Variants in TUSC3 observed in about 807,000 individuals in gnomAD.
TUSC3 encodes dolichyl-diphosphooligosaccharide--protein glycosyltransferase subunit TUSC3.
A neutral mutation model predicts 44.8 loss-of-function variants in TUSC3; 45 were observed. The ratio of observed to expected loss-of-function variants is 1.00; its 90% CI spans 0.79 to 1.29. The LOEUF (loss-of-function observed/expected upper bound fraction) is 1.29, where lower values mean the gene tolerates loss of function less well. Among genes scored for constraint, TUSC3 ranks in the 50% most tolerant of loss-of-function variants. The pLI, the probability that TUSC3 is intolerant of heterozygous loss-of-function variation, is 0.00. For missense variants in TUSC3, 519 were observed against 437.9 expected, an observed-to-expected ratio of 1.19 and a Z score of -1.65; for synonymous variants, 212 against 152.9, an observed-to-expected ratio of 1.39 and a Z score of -2.85.
intron 1 of TUSC3, among the ~76,000 whole-genome samples, chr8:15,560,429 C>A (rs1802415922): frequency 6.8e-6 from 1 of 147,544 alleles, no homozygotes; most frequent in African/African-American, 2.5e-5. Flanking sequence ...CTCTGGCTGC[C>A]CTTAACATTT....
intron 1 of TUSC3, among the ~76,000 whole-genome samples, chr8:15,450,219 TTTTTC>T (rs145344562): frequency 0.017 from 2,537 of 152,322 alleles, 41 homozygotes; most frequent in South Asian, 0.069. Flanking sequence ...CTGTTTATCA[TTTTTC>T]TTTTCTTTTT....
chr8:15,753,083 A>G (rs1811774858), intron 9 of TUSC3, among the ~76,000 whole-genome samples: 1 of 152,216 alleles, frequency 6.6e-6, no homozygotes, highest in African/African-American at 2.4e-5. Flanking sequence ...AAGCTGCTAT[A>G]GTTTACATAG....
At chr8:15,847,245 G>A in the TUSC3 span, among the ~76,000 whole-genome samples, 2 of 152,002 alleles carry the variant, frequency 1.3e-5, no homozygotes, top group Non-Finnish European at 2.9e-5. Context: ...GAAAGAACAG[G>A]GAAGAGAATG....
At chr8:15,662,492 T>C (rs1807467926) in intron 5 of TUSC3, among the ~76,000 whole-genome samples, 196 bp downstream of exon 5, 1 of 37,954 alleles carries the variant, frequency 2.6e-5, no homozygotes. Flanking sequence ...AACTTTTCAC[T>C]GCATGTACTG....
Position 15,764,150 on chromosome 8 carries a change from G to T in TUSC3, c.*47-53G>T. ...TTTAGAATGGAATAACAAACATATT[G>T]TATTTTCCTTATGTTCTATGTTCAG... On this transcript the variant is annotated intron_variant, in intron 10 of 10. Coordinates refer to ENST00000503731, the MANE Select transcript of TUSC3 (RefSeq NM_006765.4). 4 of 1,469,294 alleles carry T rather than the reference G, an allele frequency of 2.7e-6. No individual in the cohort carries two copies. In the South Asian group the frequency reaches 4.6e-5, roughly 17 times the overall value. The allele number at this position is 1,469,294 out of a possible 1,614,324, so 91.0% of individuals were successfully genotyped here. A position where few individuals can be genotyped will look rare whatever the true frequency, so the allele number is the denominator to read the frequency against.
At chr8:15,577,365 TTTTGGACATGAAGTCCTTGC>T (rs1169684908) in intron 1 of TUSC3, among the ~76,000 whole-genome samples, 3 of 151,868 alleles carry the variant, frequency 2.0e-5, no homozygotes, top group African/African-American at 7.2e-5. Context: ...GCTTTTGGTG[TTTTGGACATGAAGTCCTTGC>T]CCATGCCTAT....
At chr8:15,616,170 A>T (rs902778252) in intron 1 of TUSC3, among the ~76,000 whole-genome samples, 1 of 146,508 alleles carries the variant, frequency 6.8e-6, no homozygotes, top group Admixed American at 6.8e-5. Flanking sequence ...AAAAGTAGAG[A>T]TCTTGATTTT....
chr8:15,523,706 G>GTA (rs1554509643), intron 2 of TUSC3, among the ~76,000 whole-genome samples: 3 of 112,850 alleles, frequency 2.7e-5, no homozygotes, highest in African/African-American at 7.9e-5. Flanking sequence ...GTGTGTGTGT[G>GTA]TGTATATATA....
intron 1 of TUSC3, among the ~76,000 whole-genome samples, chr8:15,461,197 C>A (rs753956823): frequency 2.0e-4 from 31 of 152,110 alleles, no homozygotes; most frequent in Non-Finnish European, 4.1e-4. Flanking sequence ...TCTGTGATTT[C>A]TTTCAGCATT....
At chr8:15,730,520 T>C in intron 6 of TUSC3, 146 bp from the exon 7 acceptor site, 1 of 786,894 alleles carries the variant, frequency 1.3e-6, no homozygotes. Flanking sequence ...TAATAATCAT[T>C]TAAAATAATT....
chr8:15,504,619 ATATT>A (rs1554507903), intron 2 of TUSC3, among the ~76,000 whole-genome samples: 22 of 16,376 alleles, frequency 1.3e-3, no homozygotes, highest in Non-Finnish European at 1.5e-3. Context: ...ATATATATAT[ATATT>A]TTTTTTTTTT....
At chr8:15,487,834 A>G (rs1015055759) in intron 2 of TUSC3, among the ~76,000 whole-genome samples, 2 of 152,128 alleles carry the variant, frequency 1.3e-5, no homozygotes, top group African/African-American at 4.8e-5. Context: ...TTCAAAAGCA[A>G]ACTATATCTA....
chr8:15,534,252 C>T (rs996872095), intron 2 of TUSC3, among the ~76,000 whole-genome samples: 9 of 151,942 alleles, frequency 5.9e-5, no homozygotes, highest in East Asian at 3.9e-4. Flanking sequence ...TTAAAGAGTC[C>T]GTAGAATTTA....
the TUSC3 span, among the ~76,000 whole-genome samples, chr8:15,822,727 G>A: frequency 4.6e-5 from 7 of 152,084 alleles, no homozygotes; most frequent in Admixed American, 2.6e-4. Context: ...GCAGGAAAAT[G>A]GTGTCCTGGA....
chr8:15,726,559 A>G (rs1563192382), intron 6 of TUSC3, among the ~76,000 whole-genome samples: 1 of 152,132 alleles, frequency 6.6e-6, no homozygotes. Context: ...TAATCCCAGC[A>G]CTTTGGGAGG....
intron 1 of TUSC3, among the ~76,000 whole-genome samples, chr8:15,610,414 A>G (rs921536597): frequency 4.6e-5 from 7 of 152,174 alleles, no homozygotes; most frequent in Non-Finnish European, 1.0e-4. Context: ...TCAATGTAGA[A>G]TTTAATGTTG....
intron 1 of TUSC3, among the ~76,000 whole-genome samples, chr8:15,594,690 A>G (rs912553500): frequency 6.6e-6 from 1 of 152,194 alleles, no homozygotes; most frequent in African/African-American, 2.4e-5. Context: ...GCTGGTGGGA[A>G]CAGGCACTAT....
chr8:15,825,752 T>C, the TUSC3 span, among the ~76,000 whole-genome samples: 3 of 148,816 alleles, frequency 2.0e-5, no homozygotes, highest in African/African-American at 7.5e-5. Context: ...AGAGATTACC[T>C]CCTATGCATT....
At chr8:15,521,067 T>C (rs766957991) in intron 2 of TUSC3, among the ~76,000 whole-genome samples, 76 of 152,180 alleles carry the variant, frequency 5.0e-4, no homozygotes, top group Non-Finnish European at 9.7e-4. Flanking sequence ...TAGATGAGTT[T>C]ATTAGGACTT....
Sources: allele counts gnomAD v4.1 joint callset (sites outside exome capture counted in the v4.1 genomes callset), GRCh38; gene constraint gnomAD v4.1.1; transcripts MANE v1.5; gene names NCBI Gene and HGNC (gene_info 2026-07-23, HGNC 2026-07-21).